AMDHD1: variants seen among roughly 807,000 people sequenced by gnomAD.
AMDHD1 encodes the protein probable imidazolonepropionase.
A neutral mutation model predicts 44.1 loss-of-function variants in AMDHD1; 45 were observed. That is an observed-to-expected ratio of 1.02 (90% CI 0.80 to 1.31). AMDHD1 has a LOEUF of 1.31. Among genes scored for constraint, AMDHD1 ranks in the 50% most tolerant of loss-of-function variants. The pLI is 0.00. For missense variants in AMDHD1, 586 were observed against 552.1 expected (o/e 1.06, Z -0.61); for synonymous variants, 206 against 205.0 (o/e 1.00, Z -0.04).
chr12:95,947,674 C>A (rs1258058535), intron 1 of AMDHD1, among the ~76,000 whole-genome samples: 1 of 50,986 alleles, frequency 2.0e-5, no homozygotes, highest in African/African-American at 1.2e-4. Context: ...AGGTGAGGGG[C>A]GCCTCTGCCC....
At chr12:95,960,711 T>C in intron 5 of AMDHD1, 88 bp downstream of exon 5, 1 of 1,317,500 alleles carries the variant, frequency 7.6e-7, no homozygotes, top group East Asian at 2.3e-5. Flanking sequence ...TTCAAAGCCC[T>C]CTGAAAAGAT....
At chr12:95,967,331 T>C (rs1388885503) in intron 8 of AMDHD1, among the ~76,000 whole-genome samples, 1 of 152,204 alleles carries the variant, frequency 6.6e-6, no homozygotes, top group Non-Finnish European at 1.5e-5. Context: ...GGTGGGCACA[T>C]AGCAGCAAAC....
intron 4 of AMDHD1, among the ~76,000 whole-genome samples, chr12:95,957,356 G>C (rs7969276): frequency 0.16 from 24,415 of 152,196 alleles, 2,261 homozygotes; most frequent in East Asian, 0.42. Flanking sequence ...GTGACTCAAA[G>C]GGGTTCGTTT....
At chr12:95,959,941 G>T (rs2080572545) in intron 4 of AMDHD1, among the ~76,000 whole-genome samples, 1 of 140,624 alleles carries the variant, frequency 7.1e-6, no homozygotes, top group African/African-American at 2.7e-5. Flanking sequence ...GATTACAGAT[G>T]CATGCCACCA....
intron 1 of AMDHD1, among the ~76,000 whole-genome samples, chr12:95,950,300 T>C (rs4762644): frequency 0.65 from 98,420 of 151,952 alleles, 32,899 homozygotes; most frequent in East Asian, 0.95. Flanking sequence ...TCCCCAAATC[T>C]CCCACAATCA....
intron 1 of AMDHD1, 42 bp from the exon 2 acceptor site, chr12:95,952,675 G>A (rs1437469544): frequency 1.5e-6 from 2 of 1,324,960 alleles, no homozygotes; most frequent in Non-Finnish European, 2.2e-6. Context: ...TTTCTCACAA[G>A]ATTTCCCCAA....
intron 1 of AMDHD1, among the ~76,000 whole-genome samples, chr12:95,951,670 C>T (rs2080526292): frequency 6.6e-6 from 1 of 152,164 alleles, no homozygotes. Flanking sequence ...TCATACTCTC[C>T]ATAGTGGCTG....
intron 2 of AMDHD1, among the ~76,000 whole-genome samples, chr12:95,954,373 C>T (rs906130133): frequency 1.3e-5 from 2 of 151,858 alleles, no homozygotes; most frequent in African/African-American, 2.4e-5. Flanking sequence ...GCAGGCAGAT[C>T]GTTTAAGCCC....
rs1384507385 is a variant in AMDHD1, at chr12:95,956,710, T to A, written c.335T>A (p.Ile112Asn). ...TTGGCAGGAGCCACCTACATGGAAA[T>A]TCACCAGGCCGGAGGAGGGATCCAC... ...MKLAGATYMEIHQAGGGIHFT... is the reference protein window; with the variant it reads ...MKLAGATYMENHQAGGGIHFT... The change falls in exon 4 of 9, where the codon ATT becomes AAT. Residue 112 changes from isoleucine (I) to asparagine (N), a missense_variant. Physicochemically the swap from Ile to Asn is moderately radical, Grantham distance 149. Transcript: ENST00000266736. 1.2e-6 allele frequency: 2 copies of A among 1,614,050 alleles called. No homozygotes were observed. The highest frequency in any genetic ancestry group is 2.2e-5 in the East Asian group (1 of 44,876).
At chr12:95,962,581 C>A in intron 6 of AMDHD1, 102 bp downstream of exon 6, 1 of 1,324,208 alleles carries the variant, frequency 7.6e-7, no homozygotes, top group Non-Finnish European at 9.9e-7. Flanking sequence ...TTACAAATCC[C>A]TTAAAAATGC....
At chr12:95,958,982 G>A (rs1484806429) in intron 4 of AMDHD1, among the ~76,000 whole-genome samples, 1 of 152,042 alleles carries the variant, frequency 6.6e-6, no homozygotes, top group African/African-American at 2.4e-5. Context: ...TTGAACCCGG[G>A]AGGTGGAAGT....
intron 1 of AMDHD1, among the ~76,000 whole-genome samples, chr12:95,948,554 C>A (rs2080512020): frequency 1.2e-5 from 1 of 85,138 alleles, no homozygotes; most frequent in Non-Finnish European, 2.3e-5. Flanking sequence ...GGGGGTCAGC[C>A]CCCACCGCCC....
chr12:95,967,020 A>G (rs1187620810), intron 8 of AMDHD1, among the ~76,000 whole-genome samples: 1 of 152,250 alleles, frequency 6.6e-6, no homozygotes, highest in Non-Finnish European at 1.5e-5. Context: ...TAATAAAGAC[A>G]TACCGAGACT....
chr12:95,962,283 C>A, intron 5 of AMDHD1, 72 bp from the exon 6 acceptor site: 2 of 1,551,954 alleles, frequency 1.3e-6, no homozygotes, highest in Non-Finnish European at 1.7e-6. Context: ...ACAAACAAAG[C>A]AATTTAATGG....
At position 95,960,429 on chromosome 12, in the gene AMDHD1, A is replaced by T. The variant is rs201755546; in HGVS notation, c.619A>T (p.Ile207Phe). The change falls in exon 5 of 9, where the codon ATC becomes TTC. Residue 207 changes from isoleucine to phenylalanine, a missense_variant. Coordinates refer to ENST00000266736, the MANE Select transcript of AMDHD1 (RefSeq NM_152435.3). ...AACTGCTACTGAAGCTGCTGATGAC[A>T]TCATCAATAACCACCTCCCAAAGCT... is the stretch of plus-strand genomic sequence containing the variant. ...GKTATEAADD[I>F]INNHLPKLKE... 6.2e-7 allele frequency: 1 copy of T among 1,614,208 alleles called. No homozygotes were observed. The highest frequency in any genetic ancestry group is 1.3e-5 in the African/African-American group (1 of 75,058).
chr12:95,961,524 G>T (rs985557093), intron 5 of AMDHD1, among the ~76,000 whole-genome samples: 1 of 152,142 alleles, frequency 6.6e-6, no homozygotes, highest in Non-Finnish European at 1.5e-5. Context: ...AGCCCTTGGG[G>T]CATAAATACA....
In AMDHD1 at chr12:95,956,781, C is replaced by T. The variant is rs766353218; in HGVS notation, c.406C>T (p.Arg136Cys). Residue 136 changes from arginine (R) to cysteine (C), a missense_variant, in exon 4 of 9, where the codon CGC (arginine) becomes TGC (cysteine). Physicochemically the swap from Arg to Cys is radical, Grantham distance 180 (BLOSUM62 -3). Transcript: ENST00000266736. ...TRQATEEELFRSLQQRLQCMM... is the reference protein window; with the variant it reads ...TRQATEEELFCSLQQRLQCMM... Reference sequence around the variant, plus strand: ...CCAAGCCACAGAGGAGGAGCTGTTCCGCTCCTTGCAGCAACGGCTCCAGTG... The same window carrying T: ...CCAAGCCACAGAGGAGGAGCTGTTCTGCTCCTTGCAGCAACGGCTCCAGTG... 16 of 1,614,222 alleles carry T rather than the reference C, an allele frequency of 9.9e-6. No individual in the cohort carries two copies. Among genetic ancestry groups the T allele is most frequent in the Non-Finnish European group, 1.3e-5 (15 of 1,180,040 alleles).
intron 1 of AMDHD1, among the ~76,000 whole-genome samples, chr12:95,950,267 C>A (rs2080520313): frequency 6.6e-6 from 1 of 152,162 alleles, no homozygotes; most frequent in Admixed American, 6.5e-5. Context: ...GACTTAATTT[C>A]TTATTCCACC....
Position 95,967,707 on chromosome 12 carries a change from T to G in AMDHD1, c.1194-49T>G, listed in dbSNP as rs1473941891. 3.7e-6 allele frequency: 5 copies of G among 1,367,846 alleles called. No individual in the cohort carries two copies. The Admixed American group carries it at 1.2e-4, about 33-fold the overall frequency. 84.7% of individuals were successfully genotyped at this position (1,367,846 alleles called of 1,614,324 possible). Reference sequence around the variant, plus strand: ...CATTTATTGATAAAGTAATAATTTTTACTTGCACACATTGAAGTAATATTT... The same window carrying G: ...CATTTATTGATAAAGTAATAATTTTGACTTGCACACATTGAAGTAATATTT... On this transcript the variant is annotated intron_variant, in intron 8 of 8. Coordinates refer to ENST00000266736, the MANE Select transcript of AMDHD1 (RefSeq NM_152435.3).
Sources: allele counts gnomAD v4.1 joint callset (sites outside exome capture counted in the v4.1 genomes callset), GRCh38; gene constraint gnomAD v4.1.1; transcripts MANE v1.5; gene names NCBI Gene and HGNC (gene_info 2026-07-23, HGNC 2026-07-21).